The following POT1 variants were observed in gnomAD, a reference collection of about 807,000 sequenced individuals.
POT1 encodes protection of telomeres protein 1.
A neutral mutation model predicts 78.5 loss-of-function variants in POT1; 47 were observed. The observed-to-expected ratio is 0.60, with a 90% CI of 0.47 to 0.76. The LOEUF is 0.76. Ranked by LOEUF, POT1 falls within the 30% of genes least tolerant of loss-of-function variation. The probability of loss-of-function intolerance (pLI) is 0.00; values close to 1 mark genes in which losing one functional copy is unlikely to be tolerated. For synonymous variants in POT1, 259 were observed against 260.7 expected, an observed-to-expected ratio of 0.99 and a Z score of 0.06; for missense variants, 646 against 749.9, an observed-to-expected ratio of 0.86 and a Z score of 1.62.
intron 3 of POT1, among the ~76,000 whole-genome samples, chr7:124,903,384 C>G (rs977321971): frequency 1.3e-5 from 2 of 152,170 alleles, no homozygotes; most frequent in Admixed American, 1.3e-4. Flanking sequence ...CAAAACTGCA[C>G]AACTACATGG....
At chr7:124,915,143 G>C (rs1336196277) in intron 3 of POT1, among the ~76,000 whole-genome samples, 1 of 152,152 alleles carries the variant, frequency 6.6e-6, no homozygotes, top group Non-Finnish European at 1.5e-5. Flanking sequence ...ATACTTAGTA[G>C]TCAGTAGTTG....
Position 124,851,920 on chromosome 7 carries a change from G to T in POT1, c.901C>A (p.Gln301Lys), listed in dbSNP as rs763135130. 5 of 1,611,410 alleles carry T rather than the reference G, an allele frequency of 3.1e-6. No homozygotes were observed. The highest frequency in any genetic ancestry group is 4.2e-6 in the Non-Finnish European group (5 of 1,177,926). The part of the protein sequence containing the change: ...DLESANLTAN[Q>K]HSDVICQSEP... ...GATTGACAGATAACATCTGAATGCT[G>T]ATTGGCTGTCAAATTTGCAGATTCT... Residue 301 changes from glutamine to lysine, a missense_variant, in exon 11 of 19, where the codon CAG (glutamine) becomes AAG (lysine). Physicochemically the swap from Gln to Lys is moderately conservative, Grantham distance 53. Coordinates refer to ENST00000357628, the MANE Select transcript of POT1 (RefSeq NM_015450.3).
At position 124,829,377 on chromosome 7, in the gene POT1, A is replaced by T. The variant is rs199933541; in HGVS notation, c.1506-35T>A. The T allele has an allele frequency of 7.8e-5, 105 of 1,338,402 alleles. No homozygotes were observed. Among genetic ancestry groups the T allele is most frequent in the Middle Eastern group, 6.1e-4 (3 of 4,956 alleles). 82.9% of individuals were successfully genotyped at this position (1,338,402 alleles called of 1,614,324 possible). A position where few individuals can be genotyped will look rare whatever the true frequency, so the allele number is the denominator to read the frequency against. On this transcript the variant is annotated intron_variant, in intron 15 of 18. Coordinates refer to ENST00000357628, the MANE Select transcript of POT1 (RefSeq NM_015450.3). ...ATAAAAGAAAGAACCATAAATATTTAAAAATAATTTAGCTTGTTTGTTATA... is the reference window on the plus strand; with the variant it reads ...ATAAAAGAAAGAACCATAAATATTTTAAAATAATTTAGCTTGTTTGTTATA...
At chr7:124,860,238 T>C (rs916284914) in intron 8 of POT1, among the ~76,000 whole-genome samples, 1 of 152,126 alleles carries the variant, frequency 6.6e-6, no homozygotes, top group African/African-American at 2.4e-5. Flanking sequence ...TATACATTTT[T>C]AGTGTGTAAA....
At chr7:124,908,338 T>C (rs1015152449) in intron 3 of POT1, among the ~76,000 whole-genome samples, 2 of 151,962 alleles carry the variant, frequency 1.3e-5, no homozygotes, top group Admixed American at 1.3e-4. Context: ...AAGGTCATAA[T>C]TGGAAGTAAT....
intron 6 of POT1, among the ~76,000 whole-genome samples, chr7:124,884,937 A>C (rs915022867): frequency 2.6e-5 from 4 of 152,120 alleles, no homozygotes; most frequent in African/African-American, 7.3e-5. Flanking sequence ...AACACAGCTA[A>C]AATTAAATTC....
In POT1 at chr7:124,911,103, C is replaced by A. The variant is rs1178148676; in HGVS notation, c.-154+4471G>T. 4.6e-5 allele frequency among the ~76,000 whole-genome samples: 7 copies of A among 152,036 alleles called. No individual in the cohort carries two copies. In the South Asian group the frequency reaches 1.4e-3, roughly 31 times the overall value. On this transcript the variant is annotated intron_variant, in intron 3 of 18. Transcript: ENST00000357628. ...ATGCAAAATTTTTATAAGCTACCAA[C>A]ACTGAATTCTTAATAATTTAGAAAT...
chr7:124,906,288 A>G (rs1427881887), intron 3 of POT1, among the ~76,000 whole-genome samples: 1 of 152,162 alleles, frequency 6.6e-6, no homozygotes, highest in Non-Finnish European at 1.5e-5. Flanking sequence ...GCACATATAC[A>G]CCATGGAATA....
chr7:124,865,045 T>C (rs1486652542), intron 7 of POT1, among the ~76,000 whole-genome samples: 2 of 152,176 alleles, frequency 1.3e-5, no homozygotes, highest in African/African-American at 4.8e-5. Flanking sequence ...ATGTTTTTAT[T>C]TTACTCTCAT....
At chr7:124,887,435 G>T (rs777986251) in intron 6 of POT1, among the ~76,000 whole-genome samples, 1 of 151,920 alleles carries the variant, frequency 6.6e-6, no homozygotes, top group African/African-American at 2.4e-5. Flanking sequence ...TACATTATAC[G>T]TTAATAAAAT....
intron 15 of POT1, among the ~76,000 whole-genome samples, chr7:124,830,234 C>G (rs1310526076): frequency 6.6e-6 from 1 of 152,074 alleles, no homozygotes; most frequent in Non-Finnish European, 1.5e-5. Flanking sequence ...TTTTGCTTTA[C>G]TTGAATACCA....
intron 6 of POT1, among the ~76,000 whole-genome samples, chr7:124,878,683 T>C (rs1563001340): frequency 1.3e-5 from 2 of 152,034 alleles, no homozygotes; most frequent in Non-Finnish European, 2.9e-5. Context: ...CTTAAGGGCA[T>C]AGTGAAGGCG....
Position 124,842,886 on chromosome 7 carries a change from T to C in POT1, c.1084A>G (p.Ile362Val), listed in dbSNP as rs1460433561. ...TTATATGACCTCAATTTTGCTCGGA[T>C]GCGGTATTGTTGAGGAGCTTTTTGT... ...LKQKAPQQYR[I>V]RAKLRSYKPR... Residue 362 changes from isoleucine (I) to valine (V), a missense_variant, in exon 13 of 19, where the codon ATC becomes GTC. Around this residue, in one of 2 missense-constraint regions of POT1, gnomAD observed 394 missense variants for 408.4 expected, o/e 0.96. Transcript: ENST00000357628. 2 of 1,610,924 alleles carry C rather than the reference T, an allele frequency of 1.2e-6. No homozygotes were observed. The highest frequency in any genetic ancestry group is 1.1e-5 in the South Asian group (1 of 90,440).
chr7:124,906,419 C>T (rs1226433580), intron 3 of POT1, among the ~76,000 whole-genome samples: 1 of 146,762 alleles, frequency 6.8e-6, no homozygotes, highest in Non-Finnish European at 1.5e-5. Context: ...TGTTCTCACC[C>T]ATAGGTGGGA....
At chr7:124,877,049 C>T (rs1419494119) in intron 6 of POT1, among the ~76,000 whole-genome samples, 6 of 152,062 alleles carry the variant, frequency 3.9e-5, no homozygotes. Context: ...CCATTGAAGG[C>T]AAACAGGATA....
chr7:124,831,397 A>G (rs879789158), intron 15 of POT1, among the ~76,000 whole-genome samples: 6 of 152,196 alleles, frequency 3.9e-5, no homozygotes, highest in Admixed American at 3.9e-4. Flanking sequence ...ATTTAATATC[A>G]TATCTTAGTA....
At chr7:124,910,533 T>A (rs1475518064) in intron 3 of POT1, among the ~76,000 whole-genome samples, 1 of 151,926 alleles carries the variant, frequency 6.6e-6, no homozygotes, top group Non-Finnish European at 1.5e-5. Flanking sequence ...TAAATTTTAA[T>A]TCTGAAAAAA....
At chr7:124,910,439 G>A (rs1199444091) in intron 3 of POT1, among the ~76,000 whole-genome samples, 1 of 151,750 alleles carries the variant, frequency 6.6e-6, no homozygotes, top group Non-Finnish European at 1.5e-5. Context: ...ATCACAGAGG[G>A]CTAACAGTTA....
intron 15 of POT1, among the ~76,000 whole-genome samples, chr7:124,834,897 T>A (rs1020335742): frequency 6.6e-6 from 1 of 152,176 alleles, no homozygotes. Context: ...ATACGCACCA[T>A]GGAATACTAT....
Sources: allele counts gnomAD v4.1 joint callset (sites outside exome capture counted in the v4.1 genomes callset), GRCh38; gene constraint gnomAD v4.1.1; regional missense constraint gnomAD v4.1.1; transcripts MANE v1.5; gene names NCBI Gene and HGNC (gene_info 2026-07-23, HGNC 2026-07-21).